Variants in RPS6KC1 observed in about 807,000 individuals in gnomAD.
RPS6KC1 encodes ribosomal protein S6 kinase C1.
Under a neutral mutation model 103.8 loss-of-function variants are expected in RPS6KC1, and 54 were observed. That is an observed-to-expected ratio of 0.52 (90% confidence interval 0.42 to 0.65). The LOEUF (loss-of-function observed/expected upper bound fraction) is 0.65, where lower values mean the gene tolerates loss of function less well. Ranked by LOEUF, RPS6KC1 falls within the 30% of genes least tolerant of loss-of-function variation. RPS6KC1 has a pLI of 0.00. For missense variants in RPS6KC1, 1,151 were observed against 1,253.8 expected (o/e 0.92, Z 1.24); for synonymous variants, 439 against 438.7 (o/e 1.00, Z -0.01).
At chr1:213,608,383 G>T in the RPS6KC1 span, among the ~76,000 whole-genome samples, 1 of 152,214 alleles carries the variant, frequency 6.6e-6, no homozygotes, top group African/African-American at 2.4e-5. Flanking sequence ...GCCCCCTAAA[G>T]AGGCAGCTTC....
chr1:213,415,287 A>G, the RPS6KC1 span, among the ~76,000 whole-genome samples: 2 of 152,234 alleles, frequency 1.3e-5, no homozygotes, highest in African/African-American at 2.4e-5. Flanking sequence ...GATCACATGG[A>G]TTTCTCAAGA....
the RPS6KC1 span, among the ~76,000 whole-genome samples, chr1:213,463,963 A>G: frequency 6.6e-6 from 1 of 152,210 alleles, no homozygotes; most frequent in Non-Finnish European, 1.5e-5. Context: ...GGAGATGTCT[A>G]CTGAGATACT....
At chr1:213,313,489 C>CT in the RPS6KC1 span, among the ~76,000 whole-genome samples, 2 of 152,146 alleles carry the variant, frequency 1.3e-5, no homozygotes, top group East Asian at 1.9e-4. Flanking sequence ...GTTTATATCC[C>CT]TTTTTTGACA....
the RPS6KC1 span, among the ~76,000 whole-genome samples, chr1:213,299,763 C>T: frequency 6.6e-6 from 1 of 152,074 alleles, no homozygotes; most frequent in African/African-American, 2.4e-5. Flanking sequence ...GTGTAAGTTT[C>T]ATACTTACAA....
chr1:213,795,444 G>T, the RPS6KC1 span, among the ~76,000 whole-genome samples: 1 of 152,284 alleles, frequency 6.6e-6, no homozygotes, highest in South Asian at 2.1e-4. Flanking sequence ...CATATGTCAG[G>T]ATCTAAATGA....
the RPS6KC1 span, among the ~76,000 whole-genome samples, chr1:213,534,803 T>C: frequency 6.6e-6 from 1 of 152,210 alleles, no homozygotes; most frequent in Non-Finnish European, 1.5e-5. Flanking sequence ...TACTTCAGAA[T>C]AGAAAAGGCT....
chr1:213,186,754 CT>C (rs747472951), intron 8 of RPS6KC1, among the ~76,000 whole-genome samples: 14 of 152,100 alleles, frequency 9.2e-5, no homozygotes, highest in Non-Finnish European at 2.1e-4. Flanking sequence ...CAGCTTCATT[CT>C]TTTCTACTCT....
the RPS6KC1 span, among the ~76,000 whole-genome samples, chr1:213,344,212 T>TA: frequency 2.6e-5 from 4 of 151,940 alleles, no homozygotes; most frequent in South Asian, 2.1e-4. Flanking sequence ...GCAACAGACC[T>TA]AAAAAAAATC....
the RPS6KC1 span, among the ~76,000 whole-genome samples, chr1:213,693,243 G>C: frequency 1.3e-5 from 2 of 151,978 alleles, no homozygotes; most frequent in Non-Finnish European, 2.9e-5. Context: ...CTCTCCTCTT[G>C]AACCCCCAGC....
At chr1:213,676,437 G>C in the RPS6KC1 span, among the ~76,000 whole-genome samples, 1 of 152,208 alleles carries the variant, frequency 6.6e-6, no homozygotes, top group Non-Finnish European at 1.5e-5. Context: ...GGAGAAAAAA[G>C]AAAGAAACTG....
chr1:213,196,123 C>T (rs115722226), intron 8 of RPS6KC1, among the ~76,000 whole-genome samples: 1 of 152,046 alleles, frequency 6.6e-6, no homozygotes, highest in Admixed American at 6.6e-5. Flanking sequence ...CCCTTTTCAC[C>T]ACATCCACAC....
At chr1:213,770,269 G>T in the RPS6KC1 span, among the ~76,000 whole-genome samples, 7 of 152,074 alleles carry the variant, frequency 4.6e-5, no homozygotes, top group Admixed American at 4.6e-4. Context: ...CCTTATTCTT[G>T]GTCCAGTGAG....
At chr1:213,556,277 G>A in the RPS6KC1 span, among the ~76,000 whole-genome samples, 3,883 of 152,256 alleles carry the variant, frequency 0.026, 289 homozygotes, top group East Asian at 0.29. Flanking sequence ...AAAAAAGGTG[G>A]AGAAACATGT....
intron 8 of RPS6KC1, among the ~76,000 whole-genome samples, chr1:213,213,789 ATCTAC>A (rs2093581904): frequency 6.6e-6 from 1 of 152,216 alleles, no homozygotes; most frequent in Non-Finnish European, 1.5e-5. Context: ...ATTATTCATA[ATCTAC>A]TCATATCTTG....
the RPS6KC1 span, among the ~76,000 whole-genome samples, chr1:213,596,706 C>G: frequency 6.6e-6 from 1 of 152,230 alleles, no homozygotes; most frequent in Non-Finnish European, 1.5e-5. Flanking sequence ...TTGAAGAATC[C>G]TAATACTTAC....
At chr1:213,500,277 A>C in the RPS6KC1 span, among the ~76,000 whole-genome samples, 1 of 152,172 alleles carries the variant, frequency 6.6e-6, no homozygotes, top group African/African-American at 2.4e-5. Context: ...CTGGGCCTAC[A>C]CAAAGTCAGG....
the RPS6KC1 span, among the ~76,000 whole-genome samples, chr1:213,490,676 G>A: frequency 6.6e-6 from 1 of 152,210 alleles, no homozygotes. Context: ...GCTAGGATGC[G>A]TAGTTCAAGA....
chr1:213,830,868 AC>A, the RPS6KC1 span, among the ~76,000 whole-genome samples: 2 of 152,078 alleles, frequency 1.3e-5, no homozygotes, highest in African/African-American at 4.8e-5. Flanking sequence ...GATAGTCATC[AC>A]CTTTCTGGCT....
At chr1:213,776,054 T>C in the RPS6KC1 span, among the ~76,000 whole-genome samples, 1 of 152,198 alleles carries the variant, frequency 6.6e-6, no homozygotes, top group African/African-American at 2.4e-5. Context: ...CTTCTAATTG[T>C]ATTTCTCTTG....
Sources: allele counts gnomAD v4.1 joint callset (sites outside exome capture counted in the v4.1 genomes callset), GRCh38; gene constraint gnomAD v4.1.1; transcripts MANE v1.5; gene names NCBI Gene and HGNC (gene_info 2026-07-23, HGNC 2026-07-21).